CARMIL1: variants seen among roughly 807,000 people sequenced by gnomAD.
The protein encoded by CARMIL1 is F-actin-uncapping protein LRRC16A.
A neutral mutation model predicts 177.1 loss-of-function variants in CARMIL1; 90 were observed. The observed-to-expected ratio is 0.51, with a 90% CI of 0.43 to 0.61. The LOEUF is 0.61. Ranked by LOEUF, CARMIL1 falls within the 20% of genes least tolerant of loss-of-function variation. The pLI, the probability that CARMIL1 is intolerant of heterozygous loss-of-function variation, is 0.00. For synonymous variants in CARMIL1, 577 were observed against 606.2 expected (o/e 0.95, Z 0.71); for missense variants, 1,380 against 1,667.0 (o/e 0.83, Z 3.00).
intron 4 of CARMIL1, among the ~76,000 whole-genome samples, chr6:25,431,900 T>G (rs1796823572): frequency 6.6e-6 from 1 of 152,206 alleles, no homozygotes; most frequent in Non-Finnish European, 1.5e-5. Context: ...GATGAAATTA[T>G]AGTGAACATT....
At position 25,291,920 on chromosome 6, in the gene CARMIL1, C is replaced by T. The variant is rs151064702; in HGVS notation, c.138+7011C>T. 5.0e-3 allele frequency among the ~76,000 whole-genome samples: 767 copies of T among 151,892 alleles called. 4 individuals carry two copies. Among genetic ancestry groups the T allele is most frequent in the Middle Eastern group, 0.02 (6 of 294 alleles). ...AGGATGCTTTCCAAGTAAATAGAGA[C>T]GGTAGGGGAAGCTTTATTCTGAGAT... On this transcript the variant is annotated intron_variant, in intron 2 of 36. Transcript: ENST00000329474.
chr6:25,485,256 G>T lies in CARMIL1; in HGVS notation c.961+2913G>T, dbSNP rs142547793. Among the ~76,000 whole-genome samples the T allele has an allele frequency of 8.9e-4, 136 of 152,150 alleles. 2 individuals carry two copies. In the East Asian group the frequency reaches 0.021, roughly 24 times the overall value. ...GGGGAGGTCCTACGGGCAAAGCTGGGCTTCTCCACCTCCTTACGATGAGGA... is the reference window on the plus strand; with the variant it reads ...GGGGAGGTCCTACGGGCAAAGCTGGTCTTCTCCACCTCCTTACGATGAGGA... On this transcript the variant is annotated intron_variant, in intron 12 of 36. Transcript: ENST00000329474.
At chr6:25,452,225 A>G (rs749926408) in intron 8 of CARMIL1, 4 of 611,692 alleles carry the variant, frequency 6.5e-6, no homozygotes, top group Admixed American at 4.2e-5. Context: ...TTCTCAGGCA[A>G]TTTTTTTTTT....
intron 8 of CARMIL1, chr6:25,452,344 A>G (rs1799054051): frequency 1.5e-6 from 1 of 665,890 alleles, no homozygotes; most frequent in African/African-American, 1.8e-5. Context: ...ACTGAGAAAG[A>G]AAAAGGGAAA....
intron 2 of CARMIL1, among the ~76,000 whole-genome samples, chr6:25,314,390 T>C (rs1784098594): frequency 1.3e-5 from 2 of 148,824 alleles, no homozygotes; most frequent in Non-Finnish European, 3.0e-5. Context: ...GGAGAATTGC[T>C]TGAACCCGGG....
At chr6:25,348,563 C>A (rs1424258420) in intron 2 of CARMIL1, among the ~76,000 whole-genome samples, 1 of 151,800 alleles carries the variant, frequency 6.6e-6, no homozygotes, top group Non-Finnish European at 1.5e-5. Flanking sequence ...CTGGGCGGAT[C>A]ACGAGGTCAG....
chr6:25,372,778 A>G (rs539289310), intron 2 of CARMIL1, among the ~76,000 whole-genome samples: 1 of 152,126 alleles, frequency 6.6e-6, no homozygotes. Flanking sequence ...TCCTGGTGCT[A>G]TGTTGAATAG....
At chr6:25,543,982 C>T (rs185351661) in intron 26 of CARMIL1, among the ~76,000 whole-genome samples, 8 of 152,150 alleles carry the variant, frequency 5.3e-5, no homozygotes, top group South Asian at 4.1e-4. Context: ...ACCCTCATAA[C>T]TGTCATTAGA....
chr6:25,413,262 T>G (rs889209345), intron 2 of CARMIL1, among the ~76,000 whole-genome samples: 2 of 152,226 alleles, frequency 1.3e-5, no homozygotes, highest in Non-Finnish European at 2.9e-5. Flanking sequence ...TTAGTTTGCT[T>G]GCAAATTAGA....
intron 16 of CARMIL1, among the ~76,000 whole-genome samples, chr6:25,499,536 T>C (rs1387667400): frequency 6.6e-6 from 1 of 152,214 alleles, no homozygotes; most frequent in Admixed American, 6.5e-5. Context: ...AATTTGCAGA[T>C]GAGAAAATTC....
At chr6:25,608,457 G>A (rs1180791218) in intron 35 of CARMIL1, among the ~76,000 whole-genome samples, 3 of 152,138 alleles carry the variant, frequency 2.0e-5, no homozygotes, top group African/African-American at 7.2e-5. Flanking sequence ...TGGAGGTCTT[G>A]GATTGTATCC....
intron 2 of CARMIL1, among the ~76,000 whole-genome samples, chr6:25,313,925 G>A (rs1784052184): frequency 6.6e-6 from 1 of 151,512 alleles, no homozygotes; most frequent in African/African-American, 2.4e-5. Flanking sequence ...ACTTGGAAGG[G>A]AAGAGGTGAT....
intron 2 of CARMIL1, among the ~76,000 whole-genome samples, chr6:25,379,910 C>T (rs1791361180): frequency 6.6e-6 from 1 of 152,112 alleles, no homozygotes; most frequent in African/African-American, 2.4e-5. Context: ...TGACCCTGTA[C>T]CCTGGTTCTA....
chr6:25,318,859 C>G (rs953261486), intron 2 of CARMIL1, among the ~76,000 whole-genome samples: 2 of 152,126 alleles, frequency 1.3e-5, no homozygotes, highest in Non-Finnish European at 2.9e-5. Flanking sequence ...GTGAGGTGCT[C>G]AACAGCAGGG....
Position 25,600,348 on chromosome 6 carries a change from C to T in CARMIL1, c.3154C>T (p.Leu1052Phe). Residue 1052 changes from leucine (L) to phenylalanine (F), a missense_variant, in exon 33 of 37, where the codon CTT (leucine) becomes TTT (phenylalanine). Leu to Phe is a conservative substitution (Grantham distance 22). Transcript: ENST00000329474. The part of the protein sequence containing the change: ...WSTRGSESHE[L>F]NEGGDEKKKR... ...AACAAGAGGCTCAGAGTCCCATGAG[C>T]TTAATGAAGGAGGAGATGAAAAGAA... 6.2e-7 allele frequency: 1 copy of T among 1,613,702 alleles called. No individual in the cohort carries two copies. Among genetic ancestry groups the T allele is most frequent in the East Asian group, 2.2e-5 (1 of 44,874 alleles).
chr6:25,435,480 C>A lies in CARMIL1; in HGVS notation c.250-3C>A. On this transcript the variant is annotated splice_polypyrimidine_tract_variant and splice_region_variant and intron_variant, in intron 4 of 36. Transcript: ENST00000329474. The stretch of plus-strand genomic sequence containing the variant: ...TTAAGAAGTGTCCCACCGGTTCTTG[C>A]AGATGATTGTGGAAACTGAGAAGTG... 1 of 1,550,154 alleles carries A rather than the reference C, an allele frequency of 6.5e-7. No individual in the cohort carries two copies. Among genetic ancestry groups the A allele is most frequent in the Non-Finnish European group, 8.7e-7 (1 of 1,146,124 alleles).
Position 25,607,360 on chromosome 6 carries a change from TAGTC to T in CARMIL1, c.3847+1090_3847+1093del, listed in dbSNP as rs1379326547. ...TTAGTCAAACAGGGATAAAAATAGA[TAGTC>T]AGATCATCATCATGGCTAATCTTTG... On this transcript the variant is annotated intron_variant, in intron 35 of 36. Transcript: ENST00000329474. Among the ~76,000 whole-genome samples, 26 of 152,272 alleles carry T rather than the reference TAGTC, an allele frequency of 1.7e-4. No individual in the cohort carries two copies. The East Asian group carries it at 4.2e-3, about 25-fold the overall frequency.
At chr6:25,384,119 G>A (rs374654808) in intron 2 of CARMIL1, among the ~76,000 whole-genome samples, 4 of 152,182 alleles carry the variant, frequency 2.6e-5, no homozygotes, top group African/African-American at 9.7e-5. Flanking sequence ...GATTACAGGC[G>A]TGAGCCACCG....
intron 3 of CARMIL1, among the ~76,000 whole-genome samples, chr6:25,420,579 C>A (rs1795772603): frequency 6.6e-6 from 1 of 151,752 alleles, no homozygotes; most frequent in South Asian, 2.1e-4. Context: ...GAAGTACTGG[C>A]AGATTTTTCT....
Sources: allele counts gnomAD v4.1 joint callset (sites outside exome capture counted in the v4.1 genomes callset), GRCh38; gene constraint gnomAD v4.1.1; transcripts MANE v1.5; gene names NCBI Gene and HGNC (gene_info 2026-07-23, HGNC 2026-07-21).